The following JAZF1 variants were observed in gnomAD, a reference collection of about 807,000 sequenced individuals.
JAZF1 encodes juxtaposed with another zinc finger protein 1.
Under a neutral mutation model 26.4 loss-of-function variants are expected in JAZF1, and 8 were observed. The observed-to-expected ratio is 0.30, with a 90% CI of 0.18 to 0.55. JAZF1 has a LOEUF of 0.55. Ranked by LOEUF, JAZF1 falls within the 20% of genes least tolerant of loss-of-function variation. The pLI, the probability that JAZF1 is intolerant of heterozygous loss-of-function variation, is 0.94. For synonymous variants in JAZF1, 126 were observed against 122.3 expected (o/e 1.03, Z -0.20); for missense variants, 199 against 322.0 (o/e 0.62, Z 2.92).
chr7:28,119,825 T>A (rs1241995099), intron 1 of JAZF1, among the ~76,000 whole-genome samples: 1 of 152,240 alleles, frequency 6.6e-6, no homozygotes, highest in Non-Finnish European at 1.5e-5. Context: ...AAACTCTTGC[T>A]TAATCTTGTC....
At chr7:27,838,669 A>C (rs1782864991) in intron 4 of JAZF1, among the ~76,000 whole-genome samples, 1 of 152,104 alleles carries the variant, frequency 6.6e-6, no homozygotes. Context: ...TACTAATCGC[A>C]CTGGAGCACA....
chr7:27,884,876 G>C (rs1783831475), intron 3 of JAZF1, among the ~76,000 whole-genome samples: 1 of 152,070 alleles, frequency 6.6e-6, no homozygotes, highest in Admixed American at 6.5e-5. Context: ...GGAAGTGCTG[G>C]GTCAACATCA....
intron 3 of JAZF1, among the ~76,000 whole-genome samples, chr7:27,880,768 G>A: frequency 6.6e-6 from 1 of 152,298 alleles, no homozygotes; most frequent in African/African-American, 2.4e-5. Context: ...AGGCTCAGGT[G>A]ATCCTCCTGC....
At chr7:28,024,410 G>C (rs995506452) in intron 1 of JAZF1, among the ~76,000 whole-genome samples, 2 of 152,174 alleles carry the variant, frequency 1.3e-5, no homozygotes, top group Non-Finnish European at 2.9e-5. Context: ...ATTCAGAATG[G>C]CTGGGTCCAA....
intron 1 of JAZF1, among the ~76,000 whole-genome samples, chr7:28,160,610 TC>T (rs1461438120): frequency 6.6e-6 from 1 of 152,126 alleles, no homozygotes; most frequent in Non-Finnish European, 1.5e-5. Context: ...TTTAGTTCCA[TC>T]CCAGGAGGCC....
intron 1 of JAZF1, among the ~76,000 whole-genome samples, chr7:28,121,163 G>A (rs970299884): frequency 3.1e-5 from 4 of 128,148 alleles, no homozygotes; most frequent in South Asian, 2.4e-4. Context: ...TCGCACTACC[G>A]CACAACAGAA....
intron 2 of JAZF1, 116 bp downstream of exon 2, chr7:27,991,793 T>C (rs965141051): frequency 1.7e-5 from 11 of 661,058 alleles, no homozygotes; most frequent in East Asian, 2.6e-5. Context: ...TTAAATAGTT[T>C]CATGCAAATA....
chr7:28,006,807 T>C (rs888414014), intron 1 of JAZF1, among the ~76,000 whole-genome samples: 22 of 152,244 alleles, frequency 1.4e-4, no homozygotes, highest in African/African-American at 4.6e-4. Context: ...CCTGAAACAC[T>C]GTTCAGTAAC....
intron 1 of JAZF1, among the ~76,000 whole-genome samples, chr7:28,087,514 C>T (rs1784229725): frequency 6.6e-6 from 1 of 151,914 alleles, no homozygotes; most frequent in Non-Finnish European, 1.5e-5. Flanking sequence ...TAGAGTAGTG[C>T]AGCATTAATT....
At chr7:27,932,262 A>T (rs938879082) in intron 2 of JAZF1, among the ~76,000 whole-genome samples, 1 of 152,222 alleles carries the variant, frequency 6.6e-6, no homozygotes. Context: ...CTCAAGTCCA[A>T]CTGGGGATGA....
chr7:28,116,949 A>T (rs1784755626), intron 1 of JAZF1, among the ~76,000 whole-genome samples: 1 of 151,784 alleles, frequency 6.6e-6, no homozygotes, highest in African/African-American at 2.4e-5. Context: ...TCAGCCTCCC[A>T]AGTAGCTGGG....
At chr7:27,883,435 T>C (rs1340570592) in intron 3 of JAZF1, among the ~76,000 whole-genome samples, 1 of 152,212 alleles carries the variant, frequency 6.6e-6, no homozygotes, top group East Asian at 1.9e-4. Context: ...ATTCAGGTTT[T>C]TAACTAAATG....
intron 4 of JAZF1, among the ~76,000 whole-genome samples, chr7:27,837,113 C>T (rs1782829242): frequency 6.6e-6 from 1 of 152,146 alleles, no homozygotes; most frequent in Non-Finnish European, 1.5e-5. Context: ...CAGCAGAGGA[C>T]TCCAGAGGAA....
At chr7:28,068,157 T>G (rs532265622) in intron 1 of JAZF1, among the ~76,000 whole-genome samples, 4 of 151,828 alleles carry the variant, frequency 2.6e-5, no homozygotes, top group African/African-American at 9.6e-5. Flanking sequence ...TCAGATGATC[T>G]GCCCACCTCG....
intron 3 of JAZF1, among the ~76,000 whole-genome samples, chr7:27,886,394 C>T (rs548931150): frequency 8.0e-4 from 122 of 152,326 alleles, no homozygotes; most frequent in South Asian, 6.2e-3. Flanking sequence ...GTCAACACAT[C>T]CAGGTCTGCT....
chr7:28,053,937 A>T (rs1008099518), intron 1 of JAZF1, among the ~76,000 whole-genome samples: 1 of 152,196 alleles, frequency 6.6e-6, no homozygotes, highest in Non-Finnish European at 1.5e-5. Context: ...AAGCAAAAAG[A>T]AAAGGAAAAA....
At chr7:28,158,361 G>A (rs1783226273) in intron 1 of JAZF1, among the ~76,000 whole-genome samples, 1 of 152,152 alleles carries the variant, frequency 6.6e-6, no homozygotes, top group African/African-American at 2.4e-5. Context: ...AAGCCCTTTT[G>A]GCCTTCCTGC....
At chr7:27,895,846 C>T (rs1335084888) in intron 2 of JAZF1, among the ~76,000 whole-genome samples, 1 of 152,218 alleles carries the variant, frequency 6.6e-6, no homozygotes, top group East Asian at 1.9e-4. Context: ...CTTTGTACCA[C>T]TTAACTGCCA....
chr7:27,857,025 G>A (rs1783271541), intron 3 of JAZF1, among the ~76,000 whole-genome samples: 1 of 152,258 alleles, frequency 6.6e-6, no homozygotes, highest in Admixed American at 6.5e-5. Flanking sequence ...CGCAGGTGGA[G>A]CTGCCTGCCA....
Sources: gnomAD v4.1 joint callset for allele counts (sites outside exome capture counted in the v4.1 genomes callset) on GRCh38, gnomAD v4.1.1 for gene constraint, MANE v1.5 for transcripts, NCBI Gene and HGNC (gene_info 2026-07-23, HGNC 2026-07-21) for gene names.